Variants in GSE1 observed in about 807,000 individuals in gnomAD.
GSE1 encodes the protein genetic suppressor element 1.
Under a neutral mutation model 112.6 loss-of-function variants are expected in GSE1, and 32 were observed. The observed-to-expected ratio is 0.28, with a 90% CI of 0.21 to 0.38. The LOEUF is 0.38. Among genes scored for constraint, GSE1 ranks in the 10% least tolerant of loss-of-function variants. GSE1 has a pLI of 1.00. For synonymous variants in GSE1, 1,115 were observed against 735.6 expected, an observed-to-expected ratio of 1.52 and a Z score of -8.35; for missense variants, 2,348 against 1,699.2, an observed-to-expected ratio of 1.38 and a Z score of -6.71.
intron 1 of GSE1, among the ~76,000 whole-genome samples, chr16:85,324,178 G>A (rs1371716621): frequency 6.6e-6 from 1 of 152,170 alleles, no homozygotes; most frequent in Non-Finnish European, 1.5e-5. Flanking sequence ...AGAGTTGCCC[G>A]AGGACCCAGT....
chr16:85,607,365 G>T (rs182555613), upstream of GSE1, among the ~76,000 whole-genome samples: 10 of 152,334 alleles, frequency 6.6e-5, no homozygotes, highest in African/African-American at 2.4e-4. Context: ...TCCCTCTCCC[G>T]CCCGCTTTCC....
Position 85,634,094 on chromosome 16 carries a change from C to T in GSE1, c.188C>T (p.Ala63Val), listed in dbSNP as rs540734949. The stretch of plus-strand genomic sequence containing the variant: ...GCGCCATCCTCCAGCTTTGCCGCCG[C>T]GCTGCGCAAGCTCGCCAAACAGGCG... ...QAAPSSSFAA[A>V]LRKLAKQAEE... Residue 63 changes from alanine (A) to valine (V), a missense_variant, in exon 2 of 16, where the codon GCG becomes GTG. Physicochemically the swap from Ala to Val is moderately conservative, Grantham distance 64 (BLOSUM62 0). Coordinates refer to ENST00000253458, the MANE Select transcript of GSE1 (RefSeq NM_014615.5). 3.2e-5 allele frequency: 51 copies of T among 1,587,816 alleles called. No individual in the cohort carries two copies. The highest frequency in any genetic ancestry group is 9.4e-5 in the African/African-American group (7 of 74,118).
At chr16:85,589,359 C>T (rs951105546) in intron 1 of GSE1, among the ~76,000 whole-genome samples, 1 of 152,014 alleles carries the variant, frequency 6.6e-6, no homozygotes, top group Non-Finnish European at 1.5e-5. Flanking sequence ...ACCTGAGAGC[C>T]CTGGACGCTG....
intron 1 of GSE1, among the ~76,000 whole-genome samples, chr16:85,297,061 T>TG (rs1200082001): frequency 6.6e-6 from 1 of 151,504 alleles, no homozygotes; most frequent in East Asian, 1.9e-4. Context: ...CAGAACAGTG[T>TG]GGGGCAAGGG....
intron 1 of GSE1, among the ~76,000 whole-genome samples, chr16:85,236,439 G>A (rs759735688): frequency 2.6e-5 from 4 of 152,240 alleles, no homozygotes; most frequent in Non-Finnish European, 5.9e-5. Context: ...TGAGACTTGG[G>A]GTCCCACTGG....
At position 85,656,589 on chromosome 16, in the gene GSE1, C is replaced by G. The variant is rs371328519; in HGVS notation, c.1236C>G (p.Ala412=). 8.4e-6 allele frequency: 13 copies of G among 1,547,046 alleles called. No homozygotes were observed. Among genetic ancestry groups the G allele is most frequent in the Non-Finnish European group, 1.1e-5 (13 of 1,145,672 alleles). The part of the protein sequence containing the change: ...KALEPSFLPV[A]ELHGLRGHAT... ...TGGAGCCCAGCTTCCTGCCCGTGGC[C>G]GAGCTGCATGGGCTGCGTGGCCATG... Residue 412 remains alanine (A), a synonymous_variant, in exon 7 of 16, where the codon GCC becomes GCG. Transcript: ENST00000253458.
chr16:85,175,483 G>T (rs1435753921), intron 1 of GSE1, among the ~76,000 whole-genome samples: 1 of 152,268 alleles, frequency 6.6e-6, no homozygotes, highest in Non-Finnish European at 1.5e-5. Flanking sequence ...CTCTTGCCCT[G>T]TCTGGGCCTT....
At chr16:85,382,222 T>A (rs921453269) in intron 2 of GSE1, among the ~76,000 whole-genome samples, 1 of 152,218 alleles carries the variant, frequency 6.6e-6, no homozygotes, top group South Asian at 2.1e-4. Context: ...CTCCCCTGCC[T>A]GATCTCCCGT....
intron 1 of GSE1, among the ~76,000 whole-genome samples, chr16:85,205,758 C>T (rs2075103776): frequency 6.6e-6 from 1 of 152,192 alleles, no homozygotes; most frequent in Admixed American, 6.5e-5. Context: ...GGGAGCGGGA[C>T]CCAGGGGCCC....
intron 2 of GSE1, among the ~76,000 whole-genome samples, chr16:85,526,041 C>A (rs1598067767): frequency 6.6e-6 from 1 of 152,338 alleles, no homozygotes. Flanking sequence ...TGCAACTTTC[C>A]CTGTCCCCTG....
chr16:85,626,084 G>A (rs1322479633), intron 1 of GSE1, among the ~76,000 whole-genome samples: 4 of 152,124 alleles, frequency 2.6e-5, no homozygotes, highest in Non-Finnish European at 5.9e-5. Context: ...CATAGACCTT[G>A]GGAAGCAAGT....
In GSE1 at chr16:85,426,188, T is replaced by C. The variant is rs2048981861; in HGVS notation, c.2464+68545T>C. Among the ~76,000 whole-genome samples, 14 of 102,334 alleles carry C rather than the reference T, an allele frequency of 1.4e-4. No homozygotes were observed. The South Asian group carries it at 4.4e-3, about 32-fold the overall frequency. 67.1% of individuals were successfully genotyped at this position (102,334 alleles called of 152,430 possible). ...GTGGGGTGGATGGATGTATAGTGGA[T>C]AGATGGATGGCTGGATGGATGGATG... On this transcript the variant is annotated intron_variant, in intron 2 of 2. Coordinates refer to the GSE1 transcript ENST00000637419.
chr16:85,245,611 G>T (rs9935362), intron 1 of GSE1, among the ~76,000 whole-genome samples: 34,841 of 152,060 alleles, frequency 0.23, 4,218 homozygotes, highest in East Asian at 0.36. Context: ...TAATCTTGTT[G>T]AAAAGCGGTT....
chr16:85,497,446 G>A (rs950519726), intron 2 of GSE1, among the ~76,000 whole-genome samples: 1 of 152,198 alleles, frequency 6.6e-6, no homozygotes, highest in Admixed American at 6.5e-5. Flanking sequence ...GGATGGTTGG[G>A]ATAGACAAGG....
At chr16:85,541,757 C>T (rs2044526637) in intron 2 of GSE1, among the ~76,000 whole-genome samples, 1 of 152,234 alleles carries the variant, frequency 6.6e-6, no homozygotes, top group South Asian at 2.1e-4. Flanking sequence ...AGGGGCCCTG[C>T]ATGGCACAGA....
chr16:85,417,935 G>A (rs2048741434), intron 2 of GSE1, among the ~76,000 whole-genome samples: 1 of 152,242 alleles, frequency 6.6e-6, no homozygotes, highest in Admixed American at 6.5e-5. Context: ...CGCCTCCCGA[G>A]TTCAAGCGAT....
intron 1 of GSE1, among the ~76,000 whole-genome samples, chr16:85,603,186 C>T (rs563711713): frequency 6.6e-6 from 1 of 152,360 alleles, no homozygotes; most frequent in East Asian, 1.9e-4. Context: ...AATAGGTCTG[C>T]AGCTTTGAGG....
intron 2 of GSE1, among the ~76,000 whole-genome samples, chr16:85,408,853 T>C (rs1216399284): frequency 7.5e-5 from 2 of 26,552 alleles, no homozygotes; most frequent in African/African-American, 1.8e-4. Context: ...CAGGCCCCCC[T>C]GGATAATCCT....
intron 2 of GSE1, among the ~76,000 whole-genome samples, chr16:85,504,560 A>G (rs1416420611): frequency 7.2e-5 from 11 of 152,230 alleles, no homozygotes; most frequent in Non-Finnish European, 1.0e-4. Context: ...GGGCTCAGGG[A>G]CAATTGGGTT....
Sources: allele counts gnomAD v4.1 joint callset (sites outside exome capture counted in the v4.1 genomes callset), GRCh38; gene constraint gnomAD v4.1.1; transcripts MANE v1.5; gene names NCBI Gene and HGNC (gene_info 2026-07-23, HGNC 2026-07-21).